The following LRRC58 variants were observed in gnomAD, a reference collection of about 807,000 sequenced individuals.
LRRC58 encodes leucine rich repeat containing 58.
LRRC58 carries 18 observed loss-of-function variants against 30.6 expected under a neutral mutation model. The observed-to-expected ratio is 0.59, with a 90% CI of 0.41 to 0.87. The LOEUF (loss-of-function observed/expected upper bound fraction) is 0.87. Ranked by LOEUF, LRRC58 falls within the 40% of genes least tolerant of loss-of-function variation. The pLI is 0.00. For missense variants in LRRC58, 420 were observed against 468.4 expected, an observed-to-expected ratio of 0.90 and a Z score of 0.95; for synonymous variants, 221 against 206.0, an observed-to-expected ratio of 1.07 and a Z score of -0.62.
chr3:120,335,206 T>C, intron 2 of LRRC58, 67 bp from the exon 3 acceptor site: 2 of 1,370,218 alleles, frequency 1.5e-6, no homozygotes, highest in Non-Finnish European at 2.0e-6. Flanking sequence ...ATTGAATATA[T>C]GTGTGTATAC....
In LRRC58 at chr3:120,325,809, T is replaced by C. The variant is rs1425929235; in HGVS notation, c.*5391A>G. The C allele has an allele frequency of 2.0e-5, 3 of 152,186 alleles. No individual in the cohort carries two copies. The highest frequency in any genetic ancestry group is 4.4e-5 in the Non-Finnish European group (3 of 68,022). The allele number at this position is 152,186 out of a possible 1,614,324, so 9.4% of individuals were successfully genotyped here. ...TCATTCTTTGGTGGCACCAGATAAA[T>C]TTTTTAAATAATATATAACAGAACA... is the stretch of plus-strand genomic sequence containing the variant. On this transcript the variant is annotated 3_prime_UTR_variant, in exon 4 of 4. Transcript: ENST00000295628.
intron 1 of LRRC58, among the ~76,000 whole-genome samples, chr3:120,339,230 G>C (rs760055162): frequency 3.3e-5 from 5 of 151,998 alleles, no homozygotes; most frequent in Non-Finnish European, 5.9e-5. Context: ...TTTGCCAGGA[G>C]TTACCCCCTT....
In LRRC58 at chr3:120,331,345, A is replaced by T; in HGVS notation, c.971T>A (p.Leu324His). Residue 324 changes from leucine to histidine, a missense_variant, in exon 4 of 4, where the codon CTC becomes CAC. Leu to His is a moderately conservative substitution (Grantham distance 99, BLOSUM62 -3). Transcript: ENST00000295628. ...KFVDFCGKYR[L>H]PLMHYLCSPE... Reference sequence around the variant, plus strand: ...TGAACACAAGTAGTGCATCAGTGGGAGGCGATACTTCCCACAGAAGTCCAC... The same window carrying T: ...TGAACACAAGTAGTGCATCAGTGGGTGGCGATACTTCCCACAGAAGTCCAC... 1 of 1,613,994 alleles carries T rather than the reference A, an allele frequency of 6.2e-7. No homozygotes were observed. The highest frequency in any genetic ancestry group is 8.5e-7 in the Non-Finnish European group (1 of 1,179,870).
chr3:120,331,742 C>T (rs1935760458), intron 3 of LRRC58, among the ~76,000 whole-genome samples: 1 of 152,084 alleles, frequency 6.6e-6, no homozygotes, highest in African/African-American at 2.4e-5. Context: ...TTACCCAAGC[C>T]ACCCCCTTGG....
At chr3:120,341,595 G>T (rs1219411094) in intron 1 of LRRC58, among the ~76,000 whole-genome samples, 1 of 152,144 alleles carries the variant, frequency 6.6e-6, no homozygotes, top group African/African-American at 2.4e-5. Flanking sequence ...GTGGTAATTA[G>T]GATTAGATAA....
chr3:120,342,066 T>C (rs1004667667), intron 1 of LRRC58, among the ~76,000 whole-genome samples: 4 of 151,834 alleles, frequency 2.6e-5, no homozygotes, highest in African/African-American at 9.7e-5. Flanking sequence ...GGGTGTCTTC[T>C]CCCGCTGCCT....
chr3:120,347,379 CTTTTTTTTTTT>C (rs796116731), intron 1 of LRRC58, among the ~76,000 whole-genome samples: 2 of 54,828 alleles, frequency 3.6e-5, no homozygotes, highest in Non-Finnish European at 6.9e-5. Flanking sequence ...GGCCAATATT[CTTTTTTTTTTT>C]TTTTTTTTTT....
rs1054830972 is a variant in LRRC58, at chr3:120,328,465, A to T, written c.*2735T>A. The T allele has an allele frequency of 6.6e-6, 1 of 152,260 alleles. No individual in the cohort carries two copies. Among genetic ancestry groups the T allele is most frequent in the Non-Finnish European group, 1.5e-5 (1 of 68,044 alleles). The allele number at this position is 152,260 out of a possible 1,614,324, so 9.4% of individuals were successfully genotyped here. A position where few individuals can be genotyped will look rare whatever the true frequency, so the allele number is the denominator to read the frequency against. ...AGTTTTATCCATAGTTTTGGTCACTAAAATCGTCCAAGTAGAGCAATATCA... is the reference window on the plus strand; with the variant it reads ...AGTTTTATCCATAGTTTTGGTCACTTAAATCGTCCAAGTAGAGCAATATCA... On this transcript the variant is annotated 3_prime_UTR_variant, in exon 4 of 4. Transcript: ENST00000295628.
chr3:120,348,676 G>A (rs1038982863), intron 1 of LRRC58, 68 bp downstream of exon 1: 3 of 1,468,986 alleles, frequency 2.0e-6, no homozygotes, highest in Non-Finnish European at 1.8e-6. Flanking sequence ...GAGGTGCCCA[G>A]GCCCGGCGCC....
intron 2 of LRRC58, 117 bp downstream of exon 2, chr3:120,335,708 T>C (rs2107623057): frequency 2.3e-6 from 2 of 885,296 alleles, no homozygotes; most frequent in Middle Eastern, 3.1e-4. Flanking sequence ...AATTAACATA[T>C]CACTTACTTT....
intron 1 of LRRC58, among the ~76,000 whole-genome samples, chr3:120,339,342 C>T (rs1011636395): frequency 6.6e-6 from 1 of 152,164 alleles, no homozygotes; most frequent in Non-Finnish European, 1.5e-5. Context: ...CGATTTTCTA[C>T]CAATTTATTT....
rs1372175040 is a variant in LRRC58 at position 120,325,391 on chromosome 3, T to C, written c.*5809A>G. On this transcript the variant is annotated 3_prime_UTR_variant, in exon 4 of 4. Coordinates refer to ENST00000295628, the MANE Select transcript of LRRC58 (RefSeq NM_001099678.2). ...AAGTACATTCTGGTGAATGCAGATG[T>C]TCTTTCCACCATAGGTTTGTGGTAT... The C allele has an allele frequency of 3.9e-5, 6 of 152,220 alleles. No homozygotes were observed. The highest frequency in any genetic ancestry group is 1.5e-5 in the Non-Finnish European group (1 of 68,028). 9.4% of individuals were successfully genotyped at this position (152,220 alleles called of 1,614,324 possible).
chr3:120,345,313 C>T (rs1388286503), intron 1 of LRRC58, among the ~76,000 whole-genome samples: 1 of 152,112 alleles, frequency 6.6e-6, no homozygotes, highest in Non-Finnish European at 1.5e-5. Flanking sequence ...TTAATAATTG[C>T]TCTTACAGAG....
chr3:120,336,123 A>G (rs1030617077), intron 1 of LRRC58, among the ~76,000 whole-genome samples, 170 bp from the exon 2 acceptor site: 1 of 152,240 alleles, frequency 6.6e-6, no homozygotes, highest in African/African-American at 2.4e-5. Context: ...CAGGGAGCTT[A>G]TACTATAGCT....
At chr3:120,348,680 C>T in intron 1 of LRRC58, 64 bp downstream of exon 1, 3 of 1,474,800 alleles carry the variant, frequency 2.0e-6, no homozygotes, top group Non-Finnish European at 2.7e-6. Flanking sequence ...TGCCCAGGCC[C>T]GGCGCCCCAG....
intron 1 of LRRC58, among the ~76,000 whole-genome samples, chr3:120,347,579 G>A (rs562285859): frequency 6.6e-6 from 1 of 150,538 alleles, no homozygotes; most frequent in East Asian, 2.0e-4. Flanking sequence ...TTTTAGTAGA[G>A]ACGGGGTTTC....
rs1175513017 is a variant in LRRC58, at chr3:120,329,691, T to G, written c.*1509A>C. 8.0e-6 allele frequency: 1 copy of G among 124,240 alleles called. No individual in the cohort carries two copies. The highest frequency in any genetic ancestry group is 3.3e-5 in the African/African-American group (1 of 30,410). The allele number at this position is 124,240 out of a possible 1,614,324, so 7.7% of individuals were successfully genotyped here. On this transcript the variant is annotated 3_prime_UTR_variant, in exon 4 of 4. Transcript: ENST00000295628. ...AACAATCTGCTTTTAAGAAATGGTGTGCCATGAATGCCAGAAATCAGAAAA... is the reference window on the plus strand; with the variant it reads ...AACAATCTGCTTTTAAGAAATGGTGGGCCATGAATGCCAGAAATCAGAAAA...
intron 1 of LRRC58, 135 bp from the exon 2 acceptor site, chr3:120,336,088 G>A (rs1473071098): frequency 1.6e-6 from 1 of 628,158 alleles, no homozygotes; most frequent in African/African-American, 1.8e-5. Flanking sequence ...GTGCTATCCA[G>A]TCTCTAGAGA....
intron 3 of LRRC58, 109 bp from the exon 4 acceptor site, chr3:120,331,517 T>C (rs1279792275): frequency 7.4e-6 from 6 of 811,230 alleles, no homozygotes; most frequent in South Asian, 1.6e-5. Flanking sequence ...TCTTCTGTTA[T>C]GAATCTTAAG....
Sources: gnomAD v4.1 joint callset for allele counts (sites outside exome capture counted in the v4.1 genomes callset) on GRCh38, gnomAD v4.1.1 for gene constraint, MANE v1.5 for transcripts, NCBI Gene and HGNC (gene_info 2026-07-23, HGNC 2026-07-21) for gene names.